The following OR4M1 variants were observed in gnomAD, a reference collection of about 807,000 sequenced individuals.
The protein encoded by OR4M1 is olfactory receptor family 4 subfamily M member 1, also known as olfactory receptor 4M1.
In OR4M1, 7 loss-of-function variants were observed where a neutral mutation model predicts 9.8. The observed-to-expected ratio is 0.71, with a 90% confidence interval of 0.41 to 1.34. The LOEUF is 1.34. Ranked by LOEUF, OR4M1 falls within the 40% of genes most tolerant of loss-of-function variation. The probability of loss-of-function intolerance (pLI) is 0.01; values close to 1 mark genes in which losing one functional copy is unlikely to be tolerated. For synonymous variants in OR4M1, 121 were observed against 139.8 expected, an observed-to-expected ratio of 0.87 and a Z score of 0.95; for missense variants, 331 against 380.4, an observed-to-expected ratio of 0.87 and a Z score of 1.08.
At chr14:19,779,904 A>C (rs1318116403) in intron 1 of OR4M1, among the ~76,000 whole-genome samples, 1 of 152,266 alleles carries the variant, frequency 6.6e-6, no homozygotes, top group African/African-American at 2.4e-5. Flanking sequence ...TGCAACAAAA[A>C]ATAAGATCTA....
At chr14:19,776,412 T>TA (rs1229991938) in intron 1 of OR4M1, among the ~76,000 whole-genome samples, 2 of 152,224 alleles carry the variant, frequency 1.3e-5, no homozygotes, top group South Asian at 2.1e-4. Flanking sequence ...AATGTACCTG[T>TA]ACTCCTGGGT....
rs1019624003 is a variant in OR4M1, at chr14:19,781,649, G to C, written c.*385G>C. The C allele has an allele frequency of 5.0e-6, 1 of 198,976 alleles. No homozygotes were observed. The highest frequency in any genetic ancestry group is 2.4e-5 in the African/African-American group (1 of 42,290). The allele number at this position is 198,976 out of a possible 1,614,324, so 12.3% of individuals were successfully genotyped here. ...ATATGAAGTAAATGGCAAGCATATG[G>C]ATGCAGCTAGCTTCAAGTTAGCAAA... On this transcript the variant is annotated 3_prime_UTR_variant, in exon 2 of 2. Coordinates refer to ENST00000641200, the MANE Select transcript of OR4M1 (RefSeq NM_001005500.2).
chr14:19,780,694 TG>T lies in OR4M1; in HGVS notation c.373del (p.Ala125LeufsTer12). Reference sequence around the variant, plus strand: ...CAGTGATGGCCTATGACCGCTATGCTGCTATCTGCCGACCCCTCCACTATGC... The same window carrying T: ...CAGTGATGGCCTATGACCGCTATGCTCTATCTGCCGACCCCTCCACTATGC... ...LTVMAYDRYA[A>X]ICRPLHYATI... On this transcript the variant is annotated frameshift_variant, in exon 2 of 2. Transcript: ENST00000641200. LOFTEE classifies it high-confidence loss of function. The T allele has an allele frequency of 6.2e-7, 1 of 1,614,262 alleles. No homozygotes were observed. The highest frequency in any genetic ancestry group is 8.5e-7 in the Non-Finnish European group (1 of 1,180,032).
chr14:19,780,173 C>G (rs1878425471), intron 1 of OR4M1, 121 bp from the exon 2 acceptor site: 3 of 884,876 alleles, frequency 3.4e-6, no homozygotes, highest in Non-Finnish European at 5.0e-6. Context: ...ATAAAATGGG[C>G]AACCAAATGT....
At chr14:19,774,333 A>G (rs1878249122) in intron 1 of OR4M1, among the ~76,000 whole-genome samples, 1 of 152,236 alleles carries the variant, frequency 6.6e-6, no homozygotes, top group Non-Finnish European at 1.5e-5. Flanking sequence ...GTCAAAGTCT[A>G]TTGATTTATT....
Position 19,780,498 on chromosome 14 carries a change from T to C in OR4M1, c.176T>C (p.Met59Thr). The C allele has an allele frequency of 6.2e-7, 1 of 1,614,212 alleles. No individual in the cohort carries two copies. Among genetic ancestry groups the C allele is most frequent in the Non-Finnish European group, 8.5e-7 (1 of 1,180,014 alleles). The change falls in exon 2 of 2, where the codon ATG becomes ACG. Residue 59 changes from methionine to threonine, a missense_variant. By Grantham distance (81) the Met-to-Thr change is moderately conservative. This residue lies in a region of OR4M1 where 209 missense variants were observed against 200.0 expected (regional missense o/e 1.04). Coordinates refer to ENST00000641200, the MANE Select transcript of OR4M1 (RefSeq NM_001005500.2). ...IRLDPHLTSP[M>T]YFLLANLALL... ...CTAGACCCTCATCTGACTTCTCCTATGTATTTCCTGTTGGCTAATCTGGCC... is the reference window on the plus strand; with the variant it reads ...CTAGACCCTCATCTGACTTCTCCTACGTATTTCCTGTTGGCTAATCTGGCC...
intron 1 of OR4M1, among the ~76,000 whole-genome samples, chr14:19,775,874 T>C (rs1300183934): frequency 1.3e-5 from 2 of 151,508 alleles, no homozygotes; most frequent in Non-Finnish European, 2.9e-5. Flanking sequence ...AGTATAATAT[T>C]GAGATCAGCC....
At chr14:19,774,372 C>T (rs1814652) in intron 1 of OR4M1, among the ~76,000 whole-genome samples, 1,599 of 152,142 alleles carry the variant, frequency 0.011, 19 homozygotes, top group African/African-American at 0.037. Context: ...TGTAATCATC[C>T]CATCCATCCA....
intron 1 of OR4M1, among the ~76,000 whole-genome samples, chr14:19,776,196 T>C (rs1878304889): frequency 6.6e-6 from 1 of 152,204 alleles, no homozygotes; most frequent in Admixed American, 6.5e-5. Context: ...CCCAAATCAT[T>C]CTTAATTTAC....
intron 1 of OR4M1, among the ~76,000 whole-genome samples, chr14:19,775,387 T>C (rs1006624611): frequency 6.6e-6 from 1 of 152,066 alleles, no homozygotes; most frequent in African/African-American, 2.4e-5. Context: ...AGGCTATATT[T>C]CCCAGCCTGT....
In OR4M1 at chr14:19,780,293, G is replaced by A. The variant is rs1242963597; in HGVS notation, c.-29-1G>A. 4 of 1,567,956 alleles carry A rather than the reference G, an allele frequency of 2.6e-6. No individual in the cohort carries two copies. The highest frequency in any genetic ancestry group is 3.8e-5 in the Admixed American group (2 of 52,502). ...AATTATAGTTTCTTTAATTTTCATA[G>A]TTATATTATGAAAAGAGTAAATTGA... On this transcript the variant is annotated splice_acceptor_variant, in intron 1 of 1. Transcript: ENST00000641200. LOFTEE classifies it low-confidence loss of function (5UTR_SPLICE).
intron 1 of OR4M1, among the ~76,000 whole-genome samples, chr14:19,773,986 C>A (rs1220064108): frequency 1.3e-5 from 2 of 152,232 alleles, no homozygotes; most frequent in African/African-American, 4.8e-5. Flanking sequence ...TTTTGAATCC[C>A]TTTACTCCTG....
intron 1 of OR4M1, among the ~76,000 whole-genome samples, chr14:19,774,754 G>A (rs144554740): frequency 2.6e-5 from 4 of 152,290 alleles, no homozygotes; most frequent in Non-Finnish European, 4.4e-5. Flanking sequence ...ACCATTATAT[G>A]CATTAATCAC....
intron 1 of OR4M1, 27 bp from the exon 2 acceptor site, chr14:19,780,267 T>G (rs1379210885): frequency 6.7e-7 from 1 of 1,497,222 alleles, no homozygotes. Flanking sequence ...CTATGTGGAC[T>G]AATTATAGTT....
rs1243508627 is a variant in OR4M1, at chr14:19,783,378, C to G, written c.*2114C>G. The G allele has an allele frequency of 1.3e-5, 2 of 152,574 alleles. No individual in the cohort carries two copies. The highest frequency in any genetic ancestry group is 2.9e-5 in the Non-Finnish European group (2 of 68,306). The allele number at this position is 152,574 out of a possible 1,614,324, so 9.5% of individuals were successfully genotyped here. A position where few individuals can be genotyped will look rare whatever the true frequency, so the allele number is the denominator to read the frequency against. On this transcript the variant is annotated 3_prime_UTR_variant, in exon 2 of 2. Transcript: ENST00000641200. ...CATCTTACAATGCACAGGACAGCCC[C>G]CAGCCCCTGACTCCCACATGAATTA...
rs1388316027 is a variant in OR4M1, at chr14:19,781,897, T to A, written c.*633T>A. The stretch of plus-strand genomic sequence containing the variant: ...ATTTTATCACATTATGAAAACAAAT[T>A]TTATGAATTCAAAGCAGAGTATAAT... On this transcript the variant is annotated 3_prime_UTR_variant, in exon 2 of 2. Transcript: ENST00000641200. The A allele has an allele frequency of 6.6e-6, 1 of 152,638 alleles. No homozygotes were observed. Among genetic ancestry groups the A allele is most frequent in the East Asian group, 1.9e-4 (1 of 5,210 alleles). 9.5% of individuals were successfully genotyped at this position (152,638 alleles called of 1,614,324 possible).
rs1376244334 is a variant in OR4M1 at position 19,782,874 on chromosome 14, G to T, written c.*1610G>T. 6.7e-6 allele frequency: 1 copy of T among 149,234 alleles called. No individual in the cohort carries two copies. Among genetic ancestry groups the T allele is most frequent in the Non-Finnish European group, 1.5e-5 (1 of 66,486 alleles). 9.2% of individuals were successfully genotyped at this position (149,234 alleles called of 1,614,324 possible). Reference sequence around the variant, plus strand: ...TACAAAAGATATATATATATAATATGATAAAATGATGAGTTATGTTTCTAA... The same window carrying T: ...TACAAAAGATATATATATATAATATTATAAAATGATGAGTTATGTTTCTAA... On this transcript the variant is annotated 3_prime_UTR_variant, in exon 2 of 2. Transcript: ENST00000641200.
intron 1 of OR4M1, among the ~76,000 whole-genome samples, chr14:19,776,499 A>G (rs1594376034): frequency 1.3e-5 from 2 of 152,242 alleles, no homozygotes; most frequent in Non-Finnish European, 2.9e-5. Context: ...TTAAAAGAGA[A>G]GCAGAAGCTT....
At position 19,780,784 on chromosome 14, in the gene OR4M1, T is replaced by G. The variant is rs906641856; in HGVS notation, c.462T>G (p.Ile154Met). 2 of 1,614,222 alleles carry G rather than the reference T, an allele frequency of 1.2e-6. No homozygotes were observed. The highest frequency in any genetic ancestry group is 3.3e-5 in the Admixed American group (2 of 60,024). Residue 154 changes from isoleucine to methionine, a missense_variant, in exon 2 of 2, where the codon ATT becomes ATG. By Grantham distance (10) the Ile-to-Met change is conservative. Transcript: ENST00000641200. ...CTCTCTCCTGGATGGGGGGCTTCAT[T>G]CATTCTATAATACAGGTGGCTCTCA... The part of the protein sequence containing the change: ...LVALSWMGGF[I>M]HSIIQVALIV...
Sources: gnomAD v4.1 joint callset for allele counts (sites outside exome capture counted in the v4.1 genomes callset) on GRCh38, gnomAD v4.1.1 for gene constraint, gnomAD v4.1.1 regional missense constraint, MANE v1.5 for transcripts, NCBI Gene and HGNC (gene_info 2026-07-23, HGNC 2026-07-21) for gene names.